The following KIAA1614 variants were observed in gnomAD, a reference collection of about 807,000 sequenced individuals.
KIAA1614 encodes uncharacterized protein KIAA1614.
A neutral mutation model predicts 88.7 loss-of-function variants in KIAA1614; 76 were observed. That is an observed-to-expected ratio of 0.86 (90% CI 0.71 to 1.04). The LOEUF is 1.04. Among genes scored for constraint, KIAA1614 ranks in the 50% least tolerant of loss-of-function variants. The pLI, the probability that KIAA1614 is intolerant of heterozygous loss-of-function variation, is 0.00. For synonymous variants in KIAA1614, 714 were observed against 675.5 expected (o/e 1.06, Z -0.88); for missense variants, 1,553 against 1,582.5 (o/e 0.98, Z 0.32).
intron 4 of KIAA1614, among the ~76,000 whole-genome samples, chr1:180,932,766 GGAGTGTAGCAGCA>G (rs376689281): frequency 0.96 from 146,358 of 152,180 alleles, 70,638 homozygotes; most frequent in East Asian, 1. Flanking sequence ...TGCTCTGTAT[GGAGTGTAGCAGCA>G]CTCAGTATGG....
In KIAA1614 at chr1:180,913,001, G is replaced by A. The variant is rs1653680453; in HGVS notation, c.-243G>A. ...CCGCTTCCCGTCCTCTCGCCGGGAG[G>A]GAGTGCGGCCCGTGGGGCGCTGCGC... On this transcript the variant is annotated 5_prime_UTR_variant, in exon 1 of 9. Transcript: ENST00000367588. Among the ~76,000 whole-genome samples the A allele has an allele frequency of 6.6e-6, 1 of 151,814 alleles. No individual in the cohort carries two copies. Among genetic ancestry groups the A allele is most frequent in the Non-Finnish European group, 1.5e-5 (1 of 67,868 alleles).
At chr1:180,945,198 C>T (rs931152081) in intron 8 of KIAA1614, 105 bp from the exon 9 acceptor site, 21 of 1,311,376 alleles carry the variant, frequency 1.6e-5, no homozygotes, top group Non-Finnish European at 2.0e-5. Flanking sequence ...GCCTCCAATG[C>T]CAGGCTCTTA....
In KIAA1614 at chr1:180,915,174, G is replaced by T. The variant is rs180821192; in HGVS notation, c.51-980G>T. On this transcript the variant is annotated intron_variant, in intron 1 of 8. Transcript: ENST00000367588. The stretch of plus-strand genomic sequence containing the variant: ...TTGAAAGCACTTGCAGTCCCGCCTG[G>T]CATAGAGCAGATGCCTAATCGGCGT... Among the ~76,000 whole-genome samples, 5 of 152,336 alleles carry T rather than the reference G, an allele frequency of 3.3e-5. No individual in the cohort carries two copies. In the East Asian group the frequency reaches 9.6e-4, roughly 29 times the overall value.
In KIAA1614 at chr1:180,949,511, C is replaced by A. The variant is rs550108898; in HGVS notation, c.*3923C>A. 2.1e-4 allele frequency: 32 copies of A among 152,406 alleles called. No individual in the cohort carries two copies. Among genetic ancestry groups the A allele is most frequent in the African/African-American group, 7.7e-4 (32 of 41,578 alleles). 9.4% of individuals were successfully genotyped at this position (152,406 alleles called of 1,614,324 possible). On this transcript the variant is annotated 3_prime_UTR_variant, in exon 9 of 9. Transcript: ENST00000367588. ...GCTGGACACTTCCCAGCCCAGCCAGCCCAAGCCCCACAGGGCCTGCCCCAC... is the reference window on the plus strand; with the variant it reads ...GCTGGACACTTCCCAGCCCAGCCAGACCAAGCCCCACAGGGCCTGCCCCAC...
At chr1:180,938,259 C>G (rs572311174) in intron 5 of KIAA1614, among the ~76,000 whole-genome samples, 2 of 152,330 alleles carry the variant, frequency 1.3e-5, no homozygotes, top group East Asian at 3.9e-4. Context: ...CAGTGATCAT[C>G]TACTGTGGAC....
At chr1:180,939,565 C>T (rs1475460065) in intron 6 of KIAA1614, among the ~76,000 whole-genome samples, 1 of 152,176 alleles carries the variant, frequency 6.6e-6, no homozygotes, top group Admixed American at 6.5e-5. Context: ...CACCACTTCT[C>T]CTGGCCTGAA....
Position 180,916,561 on chromosome 1 carries a change from A to G in KIAA1614, c.458A>G (p.Asp153Gly), listed in dbSNP as rs781427966. 21 of 1,611,700 alleles carry G rather than the reference A, an allele frequency of 1.3e-5. No individual in the cohort carries two copies. The African/African-American group carries it at 2.7e-4, about 20-fold the overall frequency. Residue 153 changes from aspartate (D) to glycine (G), a missense_variant, in exon 2 of 9, where the codon GAC becomes GGC. Transcript: ENST00000367588. ...CAAAACCTGCCTGATGGGCAGCTGG[A>G]CGGCAGCATCAATGAGGAGCAACCC... Reference protein sequence around the residue: ...RTQNLPDGQLDGSINEEQPAR... With the variant: ...RTQNLPDGQLGGSINEEQPAR...
At position 180,950,383 on chromosome 1, in the gene KIAA1614, G is replaced by A; in HGVS notation, c.*4795G>A. On this transcript the variant is annotated 3_prime_UTR_variant, in exon 9 of 9. Coordinates refer to ENST00000367588, the MANE Select transcript of KIAA1614 (RefSeq NM_020950.2). ...TGGCTGACATGAGCATGGCCAAGCTGTACTCAGGGCTGCTGGGGGTGGGCG... is the reference window on the plus strand; with the variant it reads ...TGGCTGACATGAGCATGGCCAAGCTATACTCAGGGCTGCTGGGGGTGGGCG... 1.6e-6 allele frequency: 2 copies of A among 1,238,836 alleles called. No individual in the cohort carries two copies. Among genetic ancestry groups the A allele is most frequent in the Admixed American group, 2.7e-5 (1 of 36,638 alleles). 76.7% of individuals were successfully genotyped at this position (1,238,836 alleles called of 1,614,324 possible). A position where few individuals can be genotyped will look rare whatever the true frequency, so the allele number is the denominator to read the frequency against.
At chr1:180,929,816 G>T (rs2102265348) in intron 4 of KIAA1614, among the ~76,000 whole-genome samples, 1 of 152,354 alleles carries the variant, frequency 6.6e-6, no homozygotes, top group East Asian at 1.9e-4. Context: ...TCACTGGCAT[G>T]GTGGGCCTGC....
Position 180,945,338 on chromosome 1 carries a change from T to C in KIAA1614, c.3323T>C (p.Val1108Ala), listed in dbSNP as rs1175852240. ...ACTTCACCACGGCGTGCCCTCAGTG[T>C]GGAGGACGTGGGTGCTCCCAGCCTG... The part of the protein sequence containing the change: ...AKTSPRRALS[V>A]EDVGAPSLAR... The change falls in exon 9 of 9, where the codon GTG becomes GCG. Residue 1108 changes from valine to alanine, a missense_variant. Physicochemically the swap from Val to Ala is moderately conservative, Grantham distance 64. Coordinates refer to ENST00000367588, the MANE Select transcript of KIAA1614 (RefSeq NM_020950.2). 1 of 1,593,552 alleles carries C rather than the reference T, an allele frequency of 6.3e-7. No individual in the cohort carries two copies. Among genetic ancestry groups the C allele is most frequent in the Non-Finnish European group, 8.5e-7 (1 of 1,174,732 alleles).
chr1:180,925,396 C>T lies in KIAA1614; in HGVS notation c.1062-3034C>T, dbSNP rs180793495. Among the ~76,000 whole-genome samples the T allele has an allele frequency of 2.2e-4, 33 of 152,376 alleles. 1 individual carries two copies. The East Asian group carries it at 4.4e-3, about 20-fold the overall frequency. ...AAAGTTTCTCTATGTTCTGTACACT[C>T]CATATTCTCCCTCTACTGGGTGCAT... On this transcript the variant is annotated intron_variant, in intron 3 of 8. Transcript: ENST00000367588.
At position 180,950,467 on chromosome 1, in the gene KIAA1614, G is replaced by C. The variant is rs1654707937; in HGVS notation, c.*4879G>C. The C allele has an allele frequency of 1.7e-6, 2 of 1,168,568 alleles. No individual in the cohort carries two copies. Among genetic ancestry groups the C allele is most frequent in the Non-Finnish European group, 2.2e-6 (2 of 927,492 alleles). 72.4% of individuals were successfully genotyped at this position (1,168,568 alleles called of 1,614,324 possible). A position where few individuals can be genotyped will look rare whatever the true frequency, so the allele number is the denominator to read the frequency against. ...CAGGGCTGGGCTTGGCTCACATTAA[G>C]GAGCTCCTGGCCCACTCAGAGAGCT... is the stretch of plus-strand genomic sequence containing the variant. On this transcript the variant is annotated 3_prime_UTR_variant, in exon 9 of 9. Transcript: ENST00000367588.
At chr1:180,940,872 C>A (rs924168671) in intron 6 of KIAA1614, among the ~76,000 whole-genome samples, 173 bp from the exon 7 acceptor site, 1 of 152,040 alleles carries the variant, frequency 6.6e-6, no homozygotes, top group Admixed American at 6.6e-5. Context: ...CCACCACACC[C>A]GGCTTCCACT....
chr1:180,944,643 A>G lies in KIAA1614; in HGVS notation c.3287+127A>G. The G allele has an allele frequency of 8.2e-6, 9 of 1,092,336 alleles. No homozygotes were observed. In the South Asian group the frequency reaches 1.4e-4, roughly 17 times the overall value. The allele number at this position is 1,092,336 out of a possible 1,614,324, so 67.7% of individuals were successfully genotyped here. On this transcript the variant is annotated intron_variant, in intron 8 of 8. Coordinates refer to ENST00000367588, the MANE Select transcript of KIAA1614 (RefSeq NM_020950.2). ...TCCTTTGAAGGGAAAGCAACAGGAC[A>G]TGTGATGTGTGGAGACGAGGCTGCC...
rs571304581 is a variant in KIAA1614, at chr1:180,940,958, C to T, written c.2919-87C>T. On this transcript the variant is annotated intron_variant, in intron 6 of 8. Coordinates refer to ENST00000367588, the MANE Select transcript of KIAA1614 (RefSeq NM_020950.2). ...AGAGGCATTGGTGCTGGCCCATCTG[C>T]GGCCCTTGAGATGGCCCCAGGGTAC... 80 of 1,176,410 alleles carry T rather than the reference C, an allele frequency of 6.8e-5. No homozygotes were observed. The East Asian group carries it at 7.0e-4, about 10-fold the overall frequency. The allele number at this position is 1,176,410 out of a possible 1,614,324, so 72.9% of individuals were successfully genotyped here.
In KIAA1614 at chr1:180,916,748, A is replaced by C; in HGVS notation, c.645A>C (p.Gly215=). ...PSSLQQSPIH[G]VTPGRPGGPG... is the part of the protein sequence containing the mutation. ...CTTTGCAACAGAGCCCGATCCATGGAGTTACTCCCGGACGGCCTGGGGGTC... is the reference window on the plus strand; with the variant it reads ...CTTTGCAACAGAGCCCGATCCATGGCGTTACTCCCGGACGGCCTGGGGGTC... The change falls in exon 2 of 9, where the codon GGA becomes GGC. Residue 215 remains glycine, a synonymous_variant. Coordinates refer to ENST00000367588, the MANE Select transcript of KIAA1614 (RefSeq NM_020950.2). 1 of 1,614,176 alleles carries C rather than the reference A, an allele frequency of 6.2e-7. No homozygotes were observed. The highest frequency in any genetic ancestry group is 8.5e-7 in the Non-Finnish European group (1 of 1,180,022).
At chr1:180,927,590 G>A (rs1018239582) in intron 3 of KIAA1614, among the ~76,000 whole-genome samples, 1 of 152,222 alleles carries the variant, frequency 6.6e-6, no homozygotes, top group Non-Finnish European at 1.5e-5. Flanking sequence ...CTTGTCAGTG[G>A]GAGATTGTGG....
intron 7 of KIAA1614, among the ~76,000 whole-genome samples, chr1:180,941,886 G>C (rs115045680): frequency 0.011 from 1,648 of 152,290 alleles, 30 homozygotes; most frequent in African/African-American, 0.037. Context: ...CCCGGTTGCA[G>C]CTGACCCCCT....
chr1:180,920,130 A>G (rs560492690), intron 3 of KIAA1614, among the ~76,000 whole-genome samples: 1 of 152,172 alleles, frequency 6.6e-6, no homozygotes, highest in Non-Finnish European at 1.5e-5. Context: ...CTATAGGGCC[A>G]TGTCTTGAAG....
Sources: allele counts gnomAD v4.1 joint callset (sites outside exome capture counted in the v4.1 genomes callset), GRCh38; gene constraint gnomAD v4.1.1; transcripts MANE v1.5; gene names NCBI Gene and HGNC (gene_info 2026-07-23, HGNC 2026-07-21).